The following FBLN1 variants were observed in gnomAD, a reference collection of about 807,000 sequenced individuals.
FBLN1 encodes fibulin 1.
A neutral mutation model predicts 89.7 loss-of-function variants in FBLN1; 34 were observed. The observed-to-expected ratio is 0.38, with a 90% confidence interval of 0.29 to 0.50. The LOEUF is 0.50. Ranked by LOEUF, FBLN1 falls within the 20% of genes least tolerant of loss-of-function variation. FBLN1 has a pLI of 0.92. For missense variants in FBLN1, 777 were observed against 988.1 expected, an observed-to-expected ratio of 0.79 and a Z score of 2.86; for synonymous variants, 393 against 391.3, an observed-to-expected ratio of 1.00 and a Z score of -0.05.
rs1386038274 is a variant in FBLN1, at chr22:45,575,388, G to A, written c.1840+735G>A. Among the ~76,000 whole-genome samples the A allele has an allele frequency of 7.2e-5, 11 of 152,066 alleles. No homozygotes were observed. Among genetic ancestry groups the A allele is most frequent in the Non-Finnish European group, 2.9e-5 (2 of 68,014 alleles). On this transcript the variant is annotated intron_variant, in intron 15 of 16. Transcript: ENST00000327858. The surrounding 1 kb of genome is among the most constrained non-coding windows in gnomAD (Gnocchi z 6.3). ...GGGTCTGGAGGTATGGGGGGGCGGTGTGGGCGTTTGAGAAACTGAGCCAAG... is the reference window on the plus strand; with the variant it reads ...GGGTCTGGAGGTATGGGGGGGCGGTATGGGCGTTTGAGAAACTGAGCCAAG...
rs537178686 is a variant in FBLN1 at position 45,563,355 on chromosome 22, C to T, written c.1698-11156C>T. The T allele has an allele frequency of 2.5e-4, 400 of 1,593,976 alleles. 1 individual carries two copies. Among genetic ancestry groups the T allele is most frequent in the Non-Finnish European group, 3.3e-4 (389 of 1,174,230 alleles). On this transcript the variant is annotated intron_variant, in intron 14 of 16. Coordinates refer to ENST00000327858, the MANE Select transcript of FBLN1 (RefSeq NM_006486.3). This position sits in a 1 kb window ranked among gnomAD's most constrained non-coding sequence, Gnocchi z 5.7. The stretch of plus-strand genomic sequence containing the variant: ...TAATAAAGTCTTAGCAAGCGTCCCA[C>T]ACAGTGAGCCTCGCGTGCCTTGGTT...
At chr22:45,525,481 G>T in intron 2 of FBLN1, 62 bp from the exon 3 acceptor site, 1 of 1,516,828 alleles carries the variant, frequency 6.6e-7, no homozygotes. Context: ...CCACCCCCGA[G>T]GATCTCGTGC....
At position 45,549,622 on chromosome 22, in the gene FBLN1, C is replaced by CCAGACTCAG. The variant is rs1312588262; in HGVS notation, c.1574-867_1574-859dup. On this transcript the variant is annotated intron_variant, in intron 13 of 16. Coordinates refer to ENST00000327858, the MANE Select transcript of FBLN1 (RefSeq NM_006486.3). This position sits in a 1 kb window ranked among gnomAD's most constrained non-coding sequence, Gnocchi z 5.7. ...CCCTCACCACAGCCTGGGGTCCCGC[C>CCAGACTCAG]CAGACTCAGCATAAACACATTCCTG... Among the ~76,000 whole-genome samples the CCAGACTCAG allele has an allele frequency of 6.6e-6, 1 of 152,240 alleles. No individual in the cohort carries two copies. Among genetic ancestry groups the CCAGACTCAG allele is most frequent in the African/African-American group, 2.4e-5 (1 of 41,460 alleles).
intron 1 of FBLN1, among the ~76,000 whole-genome samples, chr22:45,508,699 G>T (rs1278835006): frequency 1.3e-5 from 2 of 152,174 alleles, no homozygotes; most frequent in African/African-American, 4.8e-5. Context: ...TGCAGAGGCT[G>T]CATGGCCTCG....
At chr22:45,564,759 G>A in intron 14 of FBLN1, 1 of 1,171,010 alleles carries the variant, frequency 8.5e-7, no homozygotes, top group Non-Finnish European at 1.2e-6. Flanking sequence ...CCAGCTCCTT[G>A]CAAGACATCT....
At chr22:45,593,225 A>T (rs1341911040) in intron 16 of FBLN1, among the ~76,000 whole-genome samples, 1 of 149,504 alleles carries the variant, frequency 6.7e-6, no homozygotes, top group East Asian at 2.0e-4. Flanking sequence ...TGCAACATCA[A>T]ATAGCAGGAG....
At chr22:45,548,894 TCCAA>T in intron 13 of FBLN1, 150 bp downstream of exon 13, 8 of 1,255,360 alleles carry the variant, frequency 6.4e-6, no homozygotes, top group Non-Finnish European at 7.8e-6. Context: ...GCCCACCCCA[TCCAA>T]GGGGTGTCCT....
chr22:45,521,904 G>T (rs2088256240), intron 2 of FBLN1, among the ~76,000 whole-genome samples: 2 of 152,180 alleles, frequency 1.3e-5, no homozygotes, highest in Non-Finnish European at 1.5e-5. Context: ...TTATTTACAA[G>T]AATCCTCTTA....
intron 1 of FBLN1, among the ~76,000 whole-genome samples, chr22:45,512,471 A>G (rs1157071460): frequency 6.6e-6 from 1 of 152,050 alleles, no homozygotes; most frequent in Non-Finnish European, 1.5e-5. Flanking sequence ...AAGGCAACAC[A>G]TGGGGTAGGA....
chr22:45,547,462 C>A (rs1431189306), intron 12 of FBLN1, among the ~76,000 whole-genome samples: 1 of 133,502 alleles, frequency 7.5e-6, no homozygotes, highest in Non-Finnish European at 1.5e-5. Context: ...ATGGTGCAAT[C>A]ACTGCTCACT....
chr22:45,519,496 C>T (rs1161114461), intron 2 of FBLN1, among the ~76,000 whole-genome samples: 3 of 151,740 alleles, frequency 2.0e-5, no homozygotes, highest in Non-Finnish European at 4.4e-5. Flanking sequence ...TGGTGGCATG[C>T]GCCTGTAATC....
At position 45,537,798 on chromosome 22, in the gene FBLN1, G is replaced by A. The variant is rs1336969307; in HGVS notation, c.922+2461G>A. 6.6e-6 allele frequency among the ~76,000 whole-genome samples: 1 copy of A among 152,164 alleles called. No individual in the cohort carries two copies. The highest frequency in any genetic ancestry group is 2.4e-5 in the African/African-American group (1 of 41,436). On this transcript the variant is annotated intron_variant, in intron 8 of 16. Transcript: ENST00000327858. The surrounding 1 kb of genome is among the most constrained non-coding windows in gnomAD (Gnocchi z 5.7). ...TTGGCCCCTCGCCAGTCCCTTGCCA[G>A]CAGGGAGGGGTGGTTTTCGCTCAGC...
At chr22:45,543,257 C>A in intron 10 of FBLN1, 144 bp from the exon 11 acceptor site, 1 of 1,010,328 alleles carries the variant, frequency 9.9e-7, no homozygotes, top group Non-Finnish European at 1.5e-6. Flanking sequence ...CAGAGCGAGA[C>A]TCCATCTCAA....
rs148975773 is a variant in FBLN1 at position 45,540,762 on chromosome 22, C to T, written c.923-467C>T. On this transcript the variant is annotated intron_variant, in intron 8 of 16. Transcript: ENST00000327858. Reference sequence around the variant, plus strand: ...TGTGTCCACTCAAGGAAGGAGACTGCCGTGCAGTGAGCTCAGGGAGCCATG... The same window carrying T: ...TGTGTCCACTCAAGGAAGGAGACTGTCGTGCAGTGAGCTCAGGGAGCCATG... 7.2e-5 allele frequency among the ~76,000 whole-genome samples: 11 copies of T among 152,322 alleles called. No homozygotes were observed. The East Asian group carries it at 1.9e-3, about 27-fold the overall frequency.
In FBLN1 at chr22:45,543,657, G is replaced by A. The variant is rs186612266; in HGVS notation, c.1321+131G>A. The A allele has an allele frequency of 1.6e-5, 20 of 1,253,292 alleles. No individual in the cohort carries two copies. In the Admixed American group the frequency reaches 4.0e-4, roughly 25 times the overall value. 77.6% of individuals were successfully genotyped at this position (1,253,292 alleles called of 1,614,324 possible). On this transcript the variant is annotated intron_variant, in intron 11 of 16. Coordinates refer to ENST00000327858, the MANE Select transcript of FBLN1 (RefSeq NM_006486.3). The stretch of plus-strand genomic sequence containing the variant: ...TAAATGACATGTTAGCAGGGGAAGT[G>A]CCTGTAAAATATTGTTCATCAGAGA...
At chr22:45,507,775 G>A (rs1172469498) in intron 1 of FBLN1, among the ~76,000 whole-genome samples, 4 of 152,136 alleles carry the variant, frequency 2.6e-5, no homozygotes, top group Admixed American at 2.0e-4. Flanking sequence ...TGATCCACCT[G>A]TCTCGGCCTC....
chr22:45,559,675 C>G (rs900075755), intron 14 of FBLN1, among the ~76,000 whole-genome samples: 1 of 152,198 alleles, frequency 6.6e-6, no homozygotes, highest in African/African-American at 2.4e-5. Flanking sequence ...CTCCTTAAGC[C>G]CCTATTTAAC....
At chr22:45,513,035 C>T (rs2088122180) in intron 1 of FBLN1, among the ~76,000 whole-genome samples, 2 of 152,208 alleles carry the variant, frequency 1.3e-5, no homozygotes, top group African/African-American at 2.4e-5. Flanking sequence ...TCATAGCTTG[C>T]CGTGTAAACC....
rs1396091924 is a variant in FBLN1 at position 45,530,673 on chromosome 22, C to G, written c.485-592C>G. Among the ~76,000 whole-genome samples the G allele has an allele frequency of 6.6e-6, 1 of 152,146 alleles. No individual in the cohort carries two copies. Among genetic ancestry groups the G allele is most frequent in the East Asian group, 1.9e-4 (1 of 5,186 alleles). On this transcript the variant is annotated intron_variant, in intron 4 of 16. Coordinates refer to ENST00000327858, the MANE Select transcript of FBLN1 (RefSeq NM_006486.3). The surrounding 1 kb of genome is among the most constrained non-coding windows in gnomAD (Gnocchi z 5.4). ...GTTAGCAAGGCTGTGACTGCATTTG[C>G]TGAGATGGTCAAGTAATTTGGACTA...
Sources: allele counts gnomAD v4.1 joint callset (sites outside exome capture counted in the v4.1 genomes callset), GRCh38; gene constraint gnomAD v4.1.1; non-coding constraint Gnocchi (gnomAD v3.1); transcripts MANE v1.5; gene names NCBI Gene and HGNC (gene_info 2026-07-23, HGNC 2026-07-21).